The following NRXN3 variants were observed in gnomAD, a reference collection of about 807,000 sequenced individuals.
NRXN3 encodes the protein neurexin III.
NRXN3 carries 32 observed loss-of-function variants against 137.6 expected under a neutral mutation model. That is an observed-to-expected ratio of 0.23 (90% CI 0.18 to 0.31). The LOEUF (loss-of-function observed/expected upper bound fraction) is 0.31, where lower values mean the gene tolerates loss of function less well. NRXN3 is among the 10% of genes least tolerant of loss of function. NRXN3 has a pLI of 1.00. For synonymous variants in NRXN3, 798 were observed against 784.5 expected (o/e 1.02, Z -0.29); for missense variants, 1,574 against 2,062.5 (o/e 0.76, Z 4.59).
chr14:79,733,902 A>G (rs759521217), intron 19 of NRXN3, among the ~76,000 whole-genome samples: 16 of 152,136 alleles, frequency 1.1e-4, no homozygotes, highest in Non-Finnish European at 1.9e-4. Context: ...GCTTGCTCTG[A>G]TAATGGCCAG....
Position 78,900,364 on chromosome 14 carries a change from A to G in NRXN3, c.2276-56878A>G, listed in dbSNP as rs1013374435. On this transcript the variant is annotated intron_variant, in intron 10 of 20. Transcript: ENST00000335750. Reference sequence around the variant, plus strand: ...CTAAGCCTAGTGAGTTTGTGGCTTCAGGTCCTGTTTAGGTCCTGTTTCTCA... The same window carrying G: ...CTAAGCCTAGTGAGTTTGTGGCTTCGGGTCCTGTTTAGGTCCTGTTTCTCA... Among the ~76,000 whole-genome samples the G allele has an allele frequency of 5.3e-5, 8 of 151,946 alleles. No homozygotes were observed. The East Asian group carries it at 1.4e-3, about 26-fold the overall frequency.
At chr14:78,854,229 A>G (rs2099050566) in intron 10 of NRXN3, among the ~76,000 whole-genome samples, 1 of 152,158 alleles carries the variant, frequency 6.6e-6, no homozygotes, top group African/African-American at 2.4e-5. Context: ...ATCCTGTCCC[A>G]AGTTTCTGTA....
intron 4 of NRXN3, among the ~76,000 whole-genome samples, chr14:78,467,624 G>C (rs1384592629): frequency 6.6e-6 from 1 of 152,122 alleles, no homozygotes; most frequent in African/African-American, 2.4e-5. Flanking sequence ...ACTTTGCTTA[G>C]CATGAACACA....
At chr14:78,679,472 C>A (rs1324642056) in intron 6 of NRXN3, among the ~76,000 whole-genome samples, 4 of 152,232 alleles carry the variant, frequency 2.6e-5, no homozygotes, top group East Asian at 1.9e-4. Context: ...AGCCTGAAAG[C>A]CCAACTGTGC....
chr14:78,821,717 A>G (rs1178765108), intron 10 of NRXN3, among the ~76,000 whole-genome samples: 3 of 152,106 alleles, frequency 2.0e-5, no homozygotes, highest in Middle Eastern at 3.2e-3. Context: ...TGATGCAGCC[A>G]CTGGGCCGGT....
At chr14:79,823,948 G>A in intron 20 of NRXN3, 1 of 442,324 alleles carries the variant, frequency 2.3e-6, no homozygotes, top group Non-Finnish European at 4.6e-6. Context: ...GCAGCAGTGG[G>A]CACAAGCTAT....
At chr14:79,274,229 G>C (rs1394994403) in intron 15 of NRXN3, among the ~76,000 whole-genome samples, 1 of 151,850 alleles carries the variant, frequency 6.6e-6, no homozygotes, top group Non-Finnish European at 1.5e-5. Flanking sequence ...CACTCTCAAA[G>C]TGTCTTGCAG....
At chr14:78,357,144 G>A (rs2084427160) in intron 4 of NRXN3, among the ~76,000 whole-genome samples, 1 of 152,194 alleles carries the variant, frequency 6.6e-6, no homozygotes, top group Admixed American at 6.5e-5. Context: ...GTTTACAAAG[G>A]AAAGAGATTT....
chr14:79,141,268 A>G lies in NRXN3; in HGVS notation c.3262+153127A>G, dbSNP rs149288050. On this transcript the variant is annotated intron_variant, in intron 15 of 20. Transcript: ENST00000335750. ...ATTGATTTGAAAGTAGATTGTACCTACTTATCACAAGCACCTTAGTTTTCC... is the reference window on the plus strand; with the variant it reads ...ATTGATTTGAAAGTAGATTGTACCTGCTTATCACAAGCACCTTAGTTTTCC... Among the ~76,000 whole-genome samples the G allele has an allele frequency of 6.5e-4, 99 of 152,318 alleles. 1 individual carries two copies. The highest frequency in any genetic ancestry group is 1.8e-3 in the Admixed American group (27 of 15,298).
rs34025659 is a variant in NRXN3, at chr14:79,560,504, C to CTT, written c.3444+93125_3444+93126dup. 4.2e-3 allele frequency among the ~76,000 whole-genome samples: 184 copies of CTT among 43,724 alleles called. 3 individuals carry two copies. Among genetic ancestry groups the CTT allele is most frequent in the East Asian group, 0.011 (10 of 948 alleles). 28.7% of individuals were successfully genotyped at this position (43,724 alleles called of 152,430 possible). A position where few individuals can be genotyped will look rare whatever the true frequency, so the allele number is the denominator to read the frequency against. On this transcript the variant is annotated intron_variant, in intron 16 of 20. Coordinates refer to ENST00000335750, the MANE Select transcript of NRXN3 (RefSeq NM_001330195.2). ...AATTCTACAAGGACAAGATTGTAAG[C>CTT]TTTTTTTTTTTTTTTTTTTTTTTTG... is the stretch of plus-strand genomic sequence containing the variant.
intron 1 of NRXN3, among the ~76,000 whole-genome samples, chr14:78,171,353 TGTGTGTGCGCGG>T (rs1648183427): frequency 6.6e-6 from 1 of 151,582 alleles, no homozygotes; most frequent in Non-Finnish European, 1.5e-5. Context: ...TGTGTGTGTG[TGTGTGTGCGCGG>T]GTGTGTGCTC....
intron 15 of NRXN3, among the ~76,000 whole-genome samples, chr14:79,377,718 C>A (rs577617153): frequency 1.3e-5 from 2 of 151,980 alleles, no homozygotes; most frequent in Non-Finnish European, 2.9e-5. Flanking sequence ...ATAGTGCCAC[C>A]GCACTCCAGC....
chr14:78,630,928 T>C lies in NRXN3; in HGVS notation c.758-14192T>C, dbSNP rs193054450. ...CCATTTTTCTAAATGTATTATAGAT[T>C]GATGAAAACTTTCCCTTAGACCATT... On this transcript the variant is annotated intron_variant, in intron 4 of 20. Coordinates refer to ENST00000335750, the MANE Select transcript of NRXN3 (RefSeq NM_001330195.2). Among the ~76,000 whole-genome samples the C allele has an allele frequency of 9.8e-5, 15 of 152,348 alleles. No homozygotes were observed. The East Asian group carries it at 2.7e-3, about 27-fold the overall frequency.
In NRXN3 at chr14:79,643,858, C is replaced by T. The variant is rs1390094186; in HGVS notation, c.3445-19920C>T. Among the ~76,000 whole-genome samples, 2 of 135,600 alleles carry T rather than the reference C, an allele frequency of 1.5e-5. 1 individual carries two copies. The highest frequency in any genetic ancestry group is 3.4e-5 in the Non-Finnish European group (2 of 58,368). The allele number at this position is 135,600 out of a possible 152,430, so 89.0% of individuals were successfully genotyped here. ...AGCAGAACAACAATTTCTACTGAAA[C>T]CCTGTTGAATTTTGTCTCCATTATT... On this transcript the variant is annotated intron_variant, in intron 16 of 20. Transcript: ENST00000335750.
chr14:79,070,281 A>G (rs1346465574), intron 15 of NRXN3, among the ~76,000 whole-genome samples: 3 of 152,182 alleles, frequency 2.0e-5, no homozygotes, highest in Non-Finnish European at 4.4e-5. Flanking sequence ...ACTGTATGGT[A>G]AAAGGAAGGG....
At position 78,926,913 on chromosome 14, in the gene NRXN3, T is replaced by TATATAA. The variant is rs1406760116; in HGVS notation, c.2276-30324_2276-30323insAATATA. On this transcript the variant is annotated intron_variant, in intron 10 of 20. Coordinates refer to ENST00000335750, the MANE Select transcript of NRXN3 (RefSeq NM_001330195.2). ...ATATATATATATAATATATATAATA[T>TATATAA]ATATATAATATATAATATATTTATA... Among the ~76,000 whole-genome samples the TATATAA allele has an allele frequency of 9.0e-5, 3 of 33,188 alleles. 1 individual carries two copies. The highest frequency in any genetic ancestry group is 1.3e-4 in the Non-Finnish European group (3 of 23,852). 21.8% of individuals were successfully genotyped at this position (33,188 alleles called of 152,430 possible).
At chr14:79,564,032 G>A (rs1243895312) in intron 16 of NRXN3, among the ~76,000 whole-genome samples, 1 of 152,046 alleles carries the variant, frequency 6.6e-6, no homozygotes, top group Non-Finnish European at 1.5e-5. Flanking sequence ...AGGAAGAGAA[G>A]TATGGTCAGG....
At chr14:78,703,077 C>T (rs186729888) in intron 6 of NRXN3, among the ~76,000 whole-genome samples, 1 of 152,208 alleles carries the variant, frequency 6.6e-6, no homozygotes, top group Non-Finnish European at 1.5e-5. Flanking sequence ...TAAACTGCTA[C>T]TTCAATCTAA....
chr14:79,736,353 C>A (rs1374802224), intron 19 of NRXN3, among the ~76,000 whole-genome samples: 1 of 152,138 alleles, frequency 6.6e-6, no homozygotes, highest in Admixed American at 6.5e-5. Flanking sequence ...TTAAACATTT[C>A]TTGATTTTTC....
Sources: allele counts gnomAD v4.1 joint callset (sites outside exome capture counted in the v4.1 genomes callset), GRCh38; gene constraint gnomAD v4.1.1; transcripts MANE v1.5; gene names NCBI Gene and HGNC (gene_info 2026-07-23, HGNC 2026-07-21).